Variants in AGTRAP observed in about 807,000 individuals in gnomAD.
The protein encoded by AGTRAP is angiotensin II receptor associated protein, also known as type-1 angiotensin II receptor-associated protein.
Under a neutral mutation model 15.2 loss-of-function variants are expected in AGTRAP, and 7 were observed. That is an observed-to-expected ratio of 0.46 (90% CI 0.26 to 0.87). AGTRAP has a LOEUF of 0.87. Ranked by LOEUF, AGTRAP falls within the 40% of genes least tolerant of loss-of-function variation. AGTRAP has a pLI of 0.15. For synonymous variants in AGTRAP, 74 were observed against 89.6 expected (o/e 0.83, Z 0.98); for missense variants, 187 against 213.4 (o/e 0.88, Z 0.77).
intron 1 of AGTRAP, among the ~76,000 whole-genome samples, chr1:11,741,838 ATTCC>A (rs1206973842): frequency 6.6e-6 from 1 of 152,234 alleles, no homozygotes; most frequent in Non-Finnish European, 1.5e-5. Context: ...GATGGCGAAG[ATTCC>A]TTCTAGAGCT....
At chr1:11,738,005 G>A (rs1434993372) in intron 1 of AGTRAP, among the ~76,000 whole-genome samples, 2 of 152,186 alleles carry the variant, frequency 1.3e-5, no homozygotes, top group Non-Finnish European at 1.5e-5. Context: ...GTATGAGTAA[G>A]TCTCAGGCAA....
At chr1:11,738,741 G>C (rs1395173540) in intron 1 of AGTRAP, among the ~76,000 whole-genome samples, 7 of 152,164 alleles carry the variant, frequency 4.6e-5, no homozygotes, top group Admixed American at 2.6e-4. Flanking sequence ...CCACCTGTTT[G>C]CCTCCAGTAC....
chr1:11,749,512 G>A (rs1293021340), intron 4 of AGTRAP, among the ~76,000 whole-genome samples: 1 of 152,250 alleles, frequency 6.6e-6, no homozygotes, highest in Non-Finnish European at 1.5e-5. Flanking sequence ...CAGGGTCCCG[G>A]GATGAATGTA....
chr1:11,742,556 G>T (rs947105076), intron 1 of AGTRAP, among the ~76,000 whole-genome samples: 17 of 147,632 alleles, frequency 1.2e-4, no homozygotes, highest in African/African-American at 4.0e-4. Flanking sequence ...TTTCTGGCAG[G>T]ATCTTGCTCT....
chr1:11,748,657 C>G lies in AGTRAP; in HGVS notation c.364+47C>G, dbSNP rs758062757. The G allele has an allele frequency of 1.9e-6, 3 of 1,572,580 alleles. No homozygotes were observed. The South Asian group carries it at 3.4e-5, about 18-fold the overall frequency. ...AGCTCCTCACCGCTCCCTTCTCTCC[C>G]TTGCCTGGCCTCCAGCCTCTCCCTC... On this transcript the variant is annotated intron_variant, in intron 4 of 4. Transcript: ENST00000314340.
At chr1:11,747,594 G>A (rs1642196654) in intron 3 of AGTRAP, 49 bp downstream of exon 3, 2 of 1,577,828 alleles carry the variant, frequency 1.3e-6, no homozygotes, top group Non-Finnish European at 1.7e-6. Flanking sequence ...CGCAGCACAG[G>A]GCAAGACATA....
rs1642126032 is a variant in AGTRAP at position 11,745,027 on chromosome 1, G to A, written c.28-776G>A. On this transcript the variant is annotated intron_variant, in intron 1 of 4. Transcript: ENST00000314340. The surrounding 1 kb of genome is among the most constrained non-coding windows in gnomAD (Gnocchi z 4.2). ...ACACCACCATGCCCGGCTAATTTTTGTATTTTTAGTAGAGACAGGGTTTCA... is the reference window on the plus strand; with the variant it reads ...ACACCACCATGCCCGGCTAATTTTTATATTTTTAGTAGAGACAGGGTTTCA... Among the ~76,000 whole-genome samples, 1 of 151,880 alleles carries A rather than the reference G, an allele frequency of 6.6e-6. No homozygotes were observed. Among genetic ancestry groups the A allele is most frequent in the South Asian group, 2.1e-4 (1 of 4,814 alleles).
At chr1:11,749,036 A>G (rs888075384) in intron 4 of AGTRAP, among the ~76,000 whole-genome samples, 12 of 152,182 alleles carry the variant, frequency 7.9e-5, no homozygotes, top group African/African-American at 2.7e-4. Context: ...CTCCTGCTGC[A>G]GAGACTGCTA....
intron 4 of AGTRAP, among the ~76,000 whole-genome samples, chr1:11,749,148 C>T (rs1183338568): frequency 6.6e-6 from 1 of 152,254 alleles, no homozygotes; most frequent in Non-Finnish European, 1.5e-5. Flanking sequence ...CCTCCCCACT[C>T]ACCCAGCCTT....
In AGTRAP at chr1:11,745,446, G is replaced by A. The variant is rs565724877; in HGVS notation, c.28-357G>A. On this transcript the variant is annotated intron_variant, in intron 1 of 4. Transcript: ENST00000314340. The surrounding 1 kb of genome is among the most constrained non-coding windows in gnomAD (Gnocchi z 4.2). ...CCTGTCTCATCCTGTGACTTAGAAT[G>A]CCTTAACCATCTGGGAATGCAGCCC... is the stretch of plus-strand genomic sequence containing the variant. Among the ~76,000 whole-genome samples, 16 of 152,126 alleles carry A rather than the reference G, an allele frequency of 1.1e-4. No individual in the cohort carries two copies. Among genetic ancestry groups the A allele is most frequent in the Non-Finnish European group, 2.2e-4 (15 of 68,012 alleles).
At position 11,750,460 on chromosome 1, in the gene AGTRAP, G is replaced by A. The variant is rs1642292847; in HGVS notation, c.*268G>A. ...GGTCTCTCTTTACCTCCTACCCCAT[G>A]GTGGCACCACAGAGGCCCTCAGCCG... On this transcript the variant is annotated 3_prime_UTR_variant, in exon 5 of 5. Coordinates refer to ENST00000314340, the MANE Select transcript of AGTRAP (RefSeq NM_020350.5). The A allele has an allele frequency of 1.7e-6, 1 of 596,212 alleles. No homozygotes were observed. Among genetic ancestry groups the A allele is most frequent in the East Asian group, 2.8e-5 (1 of 36,162 alleles). The allele number at this position is 596,212 out of a possible 1,614,324, so 36.9% of individuals were successfully genotyped here.
At chr1:11,749,127 G>C (rs968013786) in intron 4 of AGTRAP, among the ~76,000 whole-genome samples, 5 of 152,150 alleles carry the variant, frequency 3.3e-5, no homozygotes, top group African/African-American at 1.2e-4. Flanking sequence ...CACTTTCCCT[G>C]CCCACCGGCC....
At chr1:11,742,254 G>T (rs752838642) in intron 1 of AGTRAP, among the ~76,000 whole-genome samples, 7 of 152,326 alleles carry the variant, frequency 4.6e-5, no homozygotes, top group South Asian at 2.1e-4. Context: ...CTGTGAAATG[G>T]GAATAATAGT....
intron 3 of AGTRAP, among the ~76,000 whole-genome samples, chr1:11,748,011 A>T (rs1237338131): frequency 1.3e-5 from 2 of 152,106 alleles, no homozygotes. Context: ...CCCGTGGGGC[A>T]GTGAGCACTC....
intron 1 of AGTRAP, among the ~76,000 whole-genome samples, chr1:11,737,183 G>T (rs1374986100): frequency 6.6e-6 from 1 of 152,210 alleles, no homozygotes; most frequent in African/African-American, 2.4e-5. Context: ...TCTGTGCTAT[G>T]ACTTGCTATA....
intron 2 of AGTRAP, 178 bp downstream of exon 2, chr1:11,746,015 C>A: frequency 7.5e-7 from 1 of 1,329,494 alleles, no homozygotes; most frequent in Admixed American, 1.8e-5. Context: ...CCTGCAGGAG[C>A]TGGGAGGGAG....
At chr1:11,746,373 A>T (rs1642164521) in intron 2 of AGTRAP, 2 of 671,418 alleles carry the variant, frequency 3.0e-6, no homozygotes, top group Non-Finnish European at 5.0e-6. Flanking sequence ...AAAAGATAAG[A>T]TGGTTTATTC....
chr1:11,745,963 G>A lies in AGTRAP; in HGVS notation c.62+126G>A. The A allele has an allele frequency of 7.1e-7, 1 of 1,402,412 alleles. No homozygotes were observed. Among genetic ancestry groups the A allele is most frequent in the Non-Finnish European group, 1.0e-6 (1 of 988,990 alleles). 86.9% of individuals were successfully genotyped at this position (1,402,412 alleles called of 1,614,324 possible). A position where few individuals can be genotyped will look rare whatever the true frequency, so the allele number is the denominator to read the frequency against. The stretch of plus-strand genomic sequence containing the variant: ...GGGCCAGACAGCTCTGCCTCTCCGG[G>A]TCTTGATTTCCGTCTGTACAATAGG... On this transcript the variant is annotated intron_variant, in intron 2 of 4. Coordinates refer to ENST00000314340, the MANE Select transcript of AGTRAP (RefSeq NM_020350.5). This position sits in a 1 kb window ranked among gnomAD's most constrained non-coding sequence, Gnocchi z 4.2.
At chr1:11,744,620 A>G (rs1642117215) in intron 1 of AGTRAP, 4 of 710,154 alleles carry the variant, frequency 5.6e-6, no homozygotes, top group African/African-American at 1.8e-5. Flanking sequence ...ATTTCAGAGC[A>G]GATTCCCTGC....
Sources: allele counts gnomAD v4.1 joint callset (sites outside exome capture counted in the v4.1 genomes callset), GRCh38; gene constraint gnomAD v4.1.1; non-coding constraint Gnocchi (gnomAD v3.1); transcripts MANE v1.5; gene names NCBI Gene and HGNC (gene_info 2026-07-23, HGNC 2026-07-21).